ETFDH: variants seen among roughly 807,000 people sequenced by gnomAD.
ETFDH encodes electron transfer flavoprotein dehydrogenase.
A neutral mutation model predicts 73.2 loss-of-function variants in ETFDH; 61 were observed. The observed-to-expected ratio is 0.83, with a 90% CI of 0.68 to 1.03. ETFDH has a LOEUF of 1.03. Among genes scored for constraint, ETFDH ranks in the 50% least tolerant of loss-of-function variants. The probability of loss-of-function intolerance (pLI) is 0.00; values close to 1 mark genes in which losing one functional copy is unlikely to be tolerated. For synonymous variants in ETFDH, 243 were observed against 253.3 expected, an observed-to-expected ratio of 0.96 and a Z score of 0.39; for missense variants, 685 against 745.0, an observed-to-expected ratio of 0.92 and a Z score of 0.94.
chr4:158,691,863 CAACT>C (rs1774174077), intron 6 of ETFDH, among the ~76,000 whole-genome samples: 1 of 152,196 alleles, frequency 6.6e-6, no homozygotes, highest in Admixed American at 6.5e-5. Flanking sequence ...ACATCTCAAT[CAACT>C]AACCTGCCTA....
chr4:158,690,256 C>T lies in ETFDH; in HGVS notation c.607-92C>T, dbSNP rs2150308924. The T allele has an allele frequency of 5.3e-6, 4 of 761,512 alleles. No individual in the cohort carries two copies. In the South Asian group the frequency reaches 5.8e-5, roughly 11 times the overall value. 47.2% of individuals were successfully genotyped at this position (761,512 alleles called of 1,614,324 possible). A position where few individuals can be genotyped will look rare whatever the true frequency, so the allele number is the denominator to read the frequency against. Reference sequence around the variant, plus strand: ...ATTTCTATAATCTAGAGAAGATGTTCACCTTCTAAGAAACCTAAGGCTGTT... The same window carrying T: ...ATTTCTATAATCTAGAGAAGATGTTTACCTTCTAAGAAACCTAAGGCTGTT... On this transcript the variant is annotated intron_variant, in intron 5 of 12. Transcript: ENST00000511912.
intron 1 of ETFDH, among the ~76,000 whole-genome samples, chr4:158,678,779 G>A (rs1334885144): frequency 6.6e-6 from 1 of 151,788 alleles, no homozygotes; most frequent in Non-Finnish European, 1.5e-5. Flanking sequence ...TCCTGAGTAG[G>A]TGGGACTGCA....
intron 1 of ETFDH, among the ~76,000 whole-genome samples, chr4:158,677,467 G>A (rs571892230): frequency 7.0e-4 from 107 of 152,290 alleles, no homozygotes; most frequent in African/African-American, 2.3e-3. Flanking sequence ...AAAGGTATCA[G>A]ACTCTTAGTT....
At position 158,706,748 on chromosome 4, in the gene ETFDH, G is replaced by C; in HGVS notation, c.1588G>C (p.Glu530Gln). Residue 530 changes from glutamate (E) to glutamine (Q), a missense_variant, in exon 12 of 13, where the codon GAA (glutamate) becomes CAA (glutamine). This residue lies in a region of ETFDH where 201 missense variants were observed against 225.2 expected (regional missense o/e 0.89). Coordinates refer to ENST00000511912, the MANE Select transcript of ETFDH (RefSeq NM_004453.4). ...SSVALSGTNH[E>Q]HDQPAHLTLR... ...TGTGGCTCTGAGTGGTACTAATCAT[G>C]AACATGACCAGCCGGCACACTTAAC... 1 of 1,613,880 alleles carries C rather than the reference G, an allele frequency of 6.2e-7. No homozygotes were observed. The highest frequency in any genetic ancestry group is 8.5e-7 in the Non-Finnish European group (1 of 1,179,854).
chr4:158,689,114 A>G (rs1004695611), intron 5 of ETFDH, among the ~76,000 whole-genome samples: 20 of 152,218 alleles, frequency 1.3e-4, no homozygotes, highest in African/African-American at 4.8e-4. Flanking sequence ...AAGGATTTAC[A>G]GTTGGAAGTT....
rs188274400 is a variant in ETFDH at position 158,691,535 on chromosome 4, C to T, written c.684+1110C>T. On this transcript the variant is annotated intron_variant, in intron 6 of 12. Coordinates refer to ENST00000511912, the MANE Select transcript of ETFDH (RefSeq NM_004453.4). ...AGATGGGGTTTTGCCATGTTGGCCA[C>T]GCTGGTCTTGAACTCCTGTCCTAGT... Among the ~76,000 whole-genome samples the T allele has an allele frequency of 4.6e-5, 7 of 151,964 alleles. 1 individual carries two copies. The highest frequency in any genetic ancestry group is 4.8e-5 in the African/African-American group (2 of 41,462).
At chr4:158,687,295 G>A (rs1774029787) in intron 5 of ETFDH, among the ~76,000 whole-genome samples, 2 of 152,156 alleles carry the variant, frequency 1.3e-5, no homozygotes, top group African/African-American at 4.8e-5. Flanking sequence ...CCTGTGCTTT[G>A]GGAGAGACAG....
intron 1 of ETFDH, among the ~76,000 whole-genome samples, chr4:158,674,534 C>G (rs777328840): frequency 8.5e-5 from 13 of 152,172 alleles, no homozygotes; most frequent in Non-Finnish European, 1.5e-5. Context: ...CTCCTGGCCT[C>G]AAGTGATCCT....
Position 158,672,428 on chromosome 4 carries a change from T to TTTGGTTAGCACTGGG in ETFDH, c.-29_-28insTTGGTTAGCACTGGG. 3 of 1,613,900 alleles carry TTTGGTTAGCACTGGG rather than the reference T, an allele frequency of 1.9e-6. No individual in the cohort carries two copies. Among genetic ancestry groups the TTTGGTTAGCACTGGG allele is most frequent in the Non-Finnish European group, 2.5e-6 (3 of 1,179,836 alleles). Reference sequence around the variant, plus strand: ...AGCAGCGGACAGTCCTCCTGTTGTGTCCGACCGAGAGTCCTGGTGACTTTG... The same window carrying TTTGGTTAGCACTGGG: ...AGCAGCGGACAGTCCTCCTGTTGTGTTTGGTTAGCACTGGGCCGACCGAGAGTCCTGGTGACTTTG... On this transcript the variant is annotated 5_prime_UTR_variant, in exon 1 of 13. Transcript: ENST00000511912.
chr4:158,699,963 G>T (rs1774414361), intron 9 of ETFDH, among the ~76,000 whole-genome samples: 1 of 152,162 alleles, frequency 6.6e-6, no homozygotes, highest in Admixed American at 6.5e-5. Context: ...GTGCTCTAAA[G>T]CTTGTACCAA....
At chr4:158,690,287 T>C (rs1774128786) in intron 5 of ETFDH, 61 bp from the exon 6 acceptor site, 1 of 945,402 alleles carries the variant, frequency 1.1e-6, no homozygotes. Context: ...CTGTTTACTG[T>C]TTTTTTCAAG....
At chr4:158,689,816 T>G (rs1185176480) in intron 5 of ETFDH, among the ~76,000 whole-genome samples, 1 of 151,780 alleles carries the variant, frequency 6.6e-6, no homozygotes, top group Non-Finnish European at 1.5e-5. Flanking sequence ...CTATTTCTCC[T>G]CATCAGAATT....
Position 158,699,011 on chromosome 4 carries a change from T to C in ETFDH, c.997T>C (p.Tyr333His). 1 of 1,609,216 alleles carries C rather than the reference T, an allele frequency of 6.2e-7. No homozygotes were observed. Among genetic ancestry groups the C allele is most frequent in the East Asian group, 2.2e-5 (1 of 44,850 alleles). The stretch of plus-strand genomic sequence containing the variant: ...GGTTGGTCTAGACTATCAGAATCCA[T>C]ACCTGAGTCCATTTAGAGAGTTCCA... ...LVVGLDYQNP[Y>H]LSPFREFQRW... The change falls in exon 9 of 13, where the codon TAC becomes CAC. Residue 333 changes from tyrosine to histidine, a missense_variant. This residue lies in a region of ETFDH where 405 missense variants were observed against 399.3 expected (regional missense o/e 1.01). Transcript: ENST00000511912.
At chr4:158,674,070 A>G (rs976466783) in intron 1 of ETFDH, among the ~76,000 whole-genome samples, 3 of 152,232 alleles carry the variant, frequency 2.0e-5, no homozygotes, top group African/African-American at 7.2e-5. Flanking sequence ...TAGCTATACA[A>G]GCAGTAGAAA....
At chr4:158,701,029 A>G (rs755057294) in intron 9 of ETFDH, 1 of 152,216 alleles carries the variant, frequency 6.6e-6, no homozygotes, top group East Asian at 1.9e-4. Context: ...ACCAAAAATC[A>G]TCTTCCCCTA....
intron 6 of ETFDH, among the ~76,000 whole-genome samples, chr4:158,692,416 A>T (rs1285739307): frequency 6.8e-6 from 1 of 146,316 alleles, no homozygotes; most frequent in Non-Finnish European, 1.5e-5. Flanking sequence ...AAAAAAAAAA[A>T]AAAAAAAAGC....
chr4:158,685,462 G>T (rs1043200145), intron 5 of ETFDH, among the ~76,000 whole-genome samples: 1 of 152,132 alleles, frequency 6.6e-6, no homozygotes, highest in Non-Finnish European at 1.5e-5. Flanking sequence ...ATTGTAGATT[G>T]TTGGTAATCT....
At position 158,685,702 on chromosome 4, in the gene ETFDH, A is replaced by G. The variant is rs549479735; in HGVS notation, c.606+483A>G. Reference sequence around the variant, plus strand: ...CCAGAAATGAACTGACAATAGACAGAGTAATAGGAGAAGAAGCATAGAGAT... The same window carrying G: ...CCAGAAATGAACTGACAATAGACAGGGTAATAGGAGAAGAAGCATAGAGAT... On this transcript the variant is annotated intron_variant, in intron 5 of 12. Transcript: ENST00000511912. Among the ~76,000 whole-genome samples the G allele has an allele frequency of 2.0e-5, 3 of 152,316 alleles. No individual in the cohort carries two copies. The East Asian group carries it at 5.8e-4, about 29-fold the overall frequency.
intron 1 of ETFDH, among the ~76,000 whole-genome samples, chr4:158,677,408 C>G (rs1023872842): frequency 8.5e-5 from 13 of 152,180 alleles, no homozygotes; most frequent in African/African-American, 3.1e-4. Flanking sequence ...TTAAAGGCAT[C>G]CTGGGCAACA....
Sources: allele counts gnomAD v4.1 joint callset (sites outside exome capture counted in the v4.1 genomes callset), GRCh38; gene constraint gnomAD v4.1.1; regional missense constraint gnomAD v4.1.1; transcripts MANE v1.5; gene names NCBI Gene and HGNC (gene_info 2026-07-23, HGNC 2026-07-21).